Variants in ARID4B observed in about 807,000 individuals in gnomAD.
The protein encoded by ARID4B is AT-rich interactive domain-containing protein 4B.
Under a neutral mutation model 147.5 loss-of-function variants are expected in ARID4B, and 26 were observed. That is an observed-to-expected ratio of 0.18 (90% CI 0.13 to 0.24). The LOEUF (loss-of-function observed/expected upper bound fraction) is 0.24, where lower values mean the gene tolerates loss of function less well. ARID4B is among the 10% of genes least tolerant of loss of function. The pLI, the probability that ARID4B is intolerant of heterozygous loss-of-function variation, is 1.00. For synonymous variants in ARID4B, 512 were observed against 507.9 expected (o/e 1.01, Z -0.11); for missense variants, 1,179 against 1,511.5 (o/e 0.78, Z 3.65).
At chr1:235,307,032 C>G (rs1478110365) in intron 2 of ARID4B, among the ~76,000 whole-genome samples, 2 of 152,094 alleles carry the variant, frequency 1.3e-5, no homozygotes, top group Non-Finnish European at 2.9e-5. Flanking sequence ...TGCAGAAAAA[C>G]TACAATTGGA....
At position 235,182,657 on chromosome 1, in the gene ARID4B, C is replaced by T. The variant is rs144815818; in HGVS notation, c.2262G>A (p.Gln754=). ...NRNDLISKEE[Q]NSSSLLEENK... is the part of the protein sequence containing the mutation. Reference sequence around the variant, plus strand: ...TTTCTTCTAGCAAAGATGAACTGTTCTGTTCCTCCTTTGAAATAAGATCAT... The same window carrying T: ...TTTCTTCTAGCAAAGATGAACTGTTTTGTTCCTCCTTTGAAATAAGATCAT... Residue 754 remains glutamine, a synonymous_variant, in exon 20 of 24, where the codon CAG becomes CAA. Coordinates refer to ENST00000264183, the MANE Select transcript of ARID4B (RefSeq NM_016374.6). 1.9e-6 allele frequency: 3 copies of T among 1,613,822 alleles called. No homozygotes were observed. The African/African-American group carries it at 4.0e-5, about 22-fold the overall frequency.
intron 2 of ARID4B, among the ~76,000 whole-genome samples, chr1:235,325,388 G>A (rs1675155590): frequency 6.7e-6 from 1 of 150,132 alleles, no homozygotes; most frequent in East Asian, 1.9e-4. Context: ...GAAACGAAAG[G>A]AAGAAAAAAA....
chr1:235,168,773 C>A, intron 23 of ARID4B, 121 bp from the exon 24 acceptor site: 2 of 1,019,182 alleles, frequency 2.0e-6, no homozygotes, highest in Non-Finnish European at 2.8e-6. Flanking sequence ...TAGCTTACAA[C>A]AACAGTGGTC....
intron 2 of ARID4B, among the ~76,000 whole-genome samples, chr1:235,276,206 A>G (rs1342962319): frequency 2.0e-5 from 3 of 151,764 alleles, no homozygotes; most frequent in African/African-American, 7.3e-5. Context: ...AAAAAAAAAA[A>G]AGATTTTTTT....
rs1571877585 is a variant in ARID4B at position 235,168,787 on chromosome 1, T to C, written c.3812-135A>G. On this transcript the variant is annotated intron_variant, in intron 23 of 23. Coordinates refer to ENST00000264183, the MANE Select transcript of ARID4B (RefSeq NM_016374.6). ...TTAGCTTACAACAACAGTGGTCAAT[T>C]CTCACAGTTCTACGATGTGAAGAAA... is the stretch of plus-strand genomic sequence containing the variant. 8.8e-6 allele frequency: 8 copies of C among 904,856 alleles called. No homozygotes were observed. The East Asian group carries it at 2.2e-4, about 25-fold the overall frequency. 56.1% of individuals were successfully genotyped at this position (904,856 alleles called of 1,614,324 possible).
chr1:235,233,382 A>G (rs4659678), intron 9 of ARID4B, among the ~76,000 whole-genome samples: 70,824 of 151,924 alleles, frequency 0.47, 16,837 homozygotes, highest in South Asian at 0.6. Flanking sequence ...GCAGTGAGCC[A>G]TGATCATGTC....
intron 2 of ARID4B, among the ~76,000 whole-genome samples, chr1:235,270,257 C>T (rs563078937): frequency 2.0e-5 from 3 of 151,926 alleles, no homozygotes; most frequent in Admixed American, 6.6e-5. Context: ...GACTCCAGCC[C>T]GGGCGACAGA....
At chr1:235,219,755 A>C (rs1378925429) in intron 16 of ARID4B, 38 bp downstream of exon 16, 1 of 1,497,748 alleles carries the variant, frequency 6.7e-7, no homozygotes, top group Non-Finnish European at 9.1e-7. Flanking sequence ...AGAATCCATC[A>C]AGCTGAAATG....
intron 17 of ARID4B, among the ~76,000 whole-genome samples, chr1:235,206,838 C>CAAGT (rs1387663867): frequency 6.6e-6 from 1 of 152,168 alleles, no homozygotes; most frequent in African/African-American, 2.4e-5. Context: ...AACTGAGTAA[C>CAAGT]AAGTGTAGGT....
At chr1:235,272,336 A>C (rs1222368482) in intron 2 of ARID4B, among the ~76,000 whole-genome samples, 1 of 152,226 alleles carries the variant, frequency 6.6e-6, no homozygotes, top group African/African-American at 2.4e-5. Context: ...TACTTAAGAT[A>C]GAAATAGTGT....
At chr1:235,196,660 A>T (rs12240090) in intron 17 of ARID4B, among the ~76,000 whole-genome samples, 69,155 of 151,548 alleles carry the variant, frequency 0.46, 16,079 homozygotes, top group South Asian at 0.6. Context: ...AAGACCATCA[A>T]CGCTAACACG....
intron 18 of ARID4B, among the ~76,000 whole-genome samples, chr1:235,195,599 A>T (rs1665441334): frequency 6.6e-6 from 1 of 152,112 alleles, no homozygotes; most frequent in Non-Finnish European, 1.5e-5. Context: ...CTCCAAAAAA[A>T]AAAAAAAATC....
At chr1:235,205,763 T>C (rs12058385) in intron 17 of ARID4B, among the ~76,000 whole-genome samples, 1 of 152,048 alleles carries the variant, frequency 6.6e-6, no homozygotes, top group Non-Finnish European at 1.5e-5. Flanking sequence ...AATAAGTACA[T>C]GAAAAAATGT....
intron 17 of ARID4B, among the ~76,000 whole-genome samples, chr1:235,196,544 T>C (rs917085920): frequency 6.6e-6 from 1 of 152,092 alleles, no homozygotes; most frequent in Non-Finnish European, 1.5e-5. Context: ...TTAAATGGCA[T>C]TGTGTAATAG....
At chr1:235,215,425 T>C (rs900204437) in intron 16 of ARID4B, among the ~76,000 whole-genome samples, 3 of 152,058 alleles carry the variant, frequency 2.0e-5, no homozygotes, top group African/African-American at 7.2e-5. Context: ...CCAGATAGTT[T>C]AGTATTTAAG....
At chr1:235,180,703 A>G (rs1469694246) in intron 20 of ARID4B, 2 of 152,216 alleles carry the variant, frequency 1.3e-5, no homozygotes, top group African/African-American at 4.8e-5. Flanking sequence ...GATCTAGACC[A>G]TATCTCTTTA....
At chr1:235,325,391 GA>G (rs1205126733) in intron 2 of ARID4B, among the ~76,000 whole-genome samples, 2 of 149,608 alleles carry the variant, frequency 1.3e-5, no homozygotes, top group African/African-American at 4.9e-5. Context: ...ACGAAAGGAA[GA>G]AAAAAAACAT....
In ARID4B at chr1:235,288,889, A is replaced by G. The variant is rs1476737459; in HGVS notation, c.7-28137T>C. Among the ~76,000 whole-genome samples the G allele has an allele frequency of 3.3e-5, 5 of 152,364 alleles. No homozygotes were observed. In the East Asian group the frequency reaches 5.8e-4, roughly 18 times the overall value. ...CAGTTAAGTGTTCTATTTTCAACCA[A>G]AACTTTTCTAATCCTAGAGGAGTTT... On this transcript the variant is annotated intron_variant, in intron 2 of 23. Transcript: ENST00000264183.
chr1:235,308,119 GTCTTGCATCTT>G (rs1558301287), intron 2 of ARID4B, among the ~76,000 whole-genome samples: 1 of 129,708 alleles, frequency 7.7e-6, no homozygotes, highest in Non-Finnish European at 1.6e-5. Flanking sequence ...GGGGGACAGA[GTCTTGCATCTT>G]GCTCTGTCGC....
Sources: gnomAD v4.1 joint callset for allele counts (sites outside exome capture counted in the v4.1 genomes callset) on GRCh38, gnomAD v4.1.1 for gene constraint, MANE v1.5 for transcripts, NCBI Gene and HGNC (gene_info 2026-07-23, HGNC 2026-07-21) for gene names.